The following CDH13 variants were observed in gnomAD, a reference collection of about 807,000 sequenced individuals.
The protein encoded by CDH13 is cadherin-13.
CDH13 carries 24 observed loss-of-function variants against 63.8 expected under a neutral mutation model. The observed-to-expected ratio is 0.38, with a 90% CI of 0.27 to 0.53. The LOEUF is 0.53. Among genes scored for constraint, CDH13 ranks in the 20% least tolerant of loss-of-function variants. The pLI is 0.85. For synonymous variants in CDH13, 503 were observed against 355.3 expected, an observed-to-expected ratio of 1.42 and a Z score of -4.67; for missense variants, 1,049 against 903.1, an observed-to-expected ratio of 1.16 and a Z score of -2.07.
chr16:83,543,794 A>C (rs2075335563), intron 7 of CDH13, among the ~76,000 whole-genome samples: 1 of 152,214 alleles, frequency 6.6e-6, no homozygotes, highest in Non-Finnish European at 1.5e-5. Context: ...TACATAACAC[A>C]GTTCTCATCG....
chr16:83,784,120 T>C (rs757221074), intron 13 of CDH13, among the ~76,000 whole-genome samples: 1 of 152,374 alleles, frequency 6.6e-6, no homozygotes, highest in South Asian at 2.1e-4. Flanking sequence ...TATTCATATA[T>C]AACTGTTACC....
intron 6 of CDH13, among the ~76,000 whole-genome samples, chr16:83,412,453 C>T (rs2092141859): frequency 2.0e-5 from 3 of 152,202 alleles, no homozygotes; most frequent in South Asian, 2.1e-4. Flanking sequence ...CTGAGTTAGA[C>T]TAGGTCTCAA....
chr16:83,342,948 G>A (rs990233952), intron 5 of CDH13, among the ~76,000 whole-genome samples: 1 of 139,404 alleles, frequency 7.2e-6, no homozygotes, highest in African/African-American at 2.7e-5. Context: ...TTGCCTCAGA[G>A]CTTTATTTTG....
At chr16:82,730,052 G>C (rs1250572177) in intron 1 of CDH13, among the ~76,000 whole-genome samples, 1 of 152,178 alleles carries the variant, frequency 6.6e-6, no homozygotes, top group African/African-American at 2.4e-5. Flanking sequence ...TGGCTTAAGG[G>C]AATGCTGTGG....
chr16:83,738,263 C>G (rs553302186), intron 10 of CDH13, among the ~76,000 whole-genome samples: 1 of 152,160 alleles, frequency 6.6e-6, no homozygotes, highest in Non-Finnish European at 1.5e-5. Context: ...AAGCGCGGTG[C>G]CTGGCATGAA....
At chr16:83,743,917 A>G (rs775490938) in intron 10 of CDH13, among the ~76,000 whole-genome samples, 1 of 151,764 alleles carries the variant, frequency 6.6e-6, no homozygotes, top group Non-Finnish European at 1.5e-5. Flanking sequence ...AACACTGTGT[A>G]CCGAGAAGCC....
chr16:83,575,216 A>C (rs76862835), intron 7 of CDH13, among the ~76,000 whole-genome samples: 1,980 of 152,330 alleles, frequency 0.013, 39 homozygotes, highest in African/African-American at 0.045. Context: ...ATGTTCTAAA[A>C]TCAATTATGG....
chr16:83,099,658 C>T (rs1412346369), intron 3 of CDH13, among the ~76,000 whole-genome samples: 1 of 110,158 alleles, frequency 9.1e-6, no homozygotes, highest in Non-Finnish European at 2.0e-5. Flanking sequence ...ACATAACAGC[C>T]CATGATTCCA....
rs138172465 is a variant in CDH13 at position 83,671,145 on chromosome 16, C to T, written c.1284+173C>T. ...CTTAAGGGTGCACTCGTATCCTCAG[C>T]AGCATAAACAAGCAGCCATAAAACA... On this transcript the variant is annotated intron_variant, in intron 9 of 13. Coordinates refer to ENST00000567109, the MANE Select transcript of CDH13 (RefSeq NM_001257.5). Among the ~76,000 whole-genome samples the T allele has an allele frequency of 7.6e-4, 116 of 152,302 alleles. 1 individual carries two copies. In the East Asian group the frequency reaches 0.019, roughly 26 times the overall value.
intron 3 of CDH13, among the ~76,000 whole-genome samples, chr16:83,116,556 C>G (rs1015591597): frequency 1.3e-5 from 2 of 152,158 alleles, no homozygotes; most frequent in African/African-American, 4.8e-5. Flanking sequence ...ATTGTGGGGA[C>G]ATATCGCATG....
rs144742794 is a variant in CDH13 at position 82,728,491 on chromosome 16, C to T, written c.45+101354C>T. ...GCATATAAATAATAAACTACAGTTACGCTGTAGTCTATTAAGTTTGAAATA... is the reference window on the plus strand; with the variant it reads ...GCATATAAATAATAAACTACAGTTATGCTGTAGTCTATTAAGTTTGAAATA... On this transcript the variant is annotated intron_variant, in intron 1 of 13. Transcript: ENST00000567109. Among the ~76,000 whole-genome samples, 397 of 152,118 alleles carry T rather than the reference C, an allele frequency of 2.6e-3. 3 individuals are homozygous for T. Among genetic ancestry groups the T allele is most frequent in the African/African-American group, 9.1e-3 (379 of 41,494 alleles).
At chr16:83,078,744 A>G (rs2033027485) in intron 3 of CDH13, among the ~76,000 whole-genome samples, 1 of 152,210 alleles carries the variant, frequency 6.6e-6, no homozygotes, top group African/African-American at 2.4e-5. Flanking sequence ...CCCAGTGTCA[A>G]ATTCTTCCAA....
chr16:83,759,960 A>G (rs1743997312), intron 11 of CDH13, among the ~76,000 whole-genome samples: 1 of 151,540 alleles, frequency 6.6e-6, no homozygotes, highest in African/African-American at 2.4e-5. Context: ...AAAAGAAAGA[A>G]ATCCTATAAT....
At chr16:83,241,901 A>C (rs1904489404) in intron 5 of CDH13, among the ~76,000 whole-genome samples, 1 of 152,174 alleles carries the variant, frequency 6.6e-6, no homozygotes, top group Non-Finnish European at 1.5e-5. Context: ...TATATAAGAA[A>C]TCATTGTAAA....
intron 4 of CDH13, among the ~76,000 whole-genome samples, chr16:83,148,907 G>A (rs1462178411): frequency 6.6e-6 from 1 of 152,026 alleles, no homozygotes; most frequent in Admixed American, 6.6e-5. Context: ...AGCAATAGTA[G>A]CCTAAAGAAA....
chr16:82,721,951 C>A (rs1264072836), intron 1 of CDH13, among the ~76,000 whole-genome samples: 3 of 151,988 alleles, frequency 2.0e-5, no homozygotes, highest in South Asian at 4.2e-4. Flanking sequence ...GTAGTTGGGG[C>A]GTGTCACATG....
At chr16:83,106,347 G>A (rs1287943043) in intron 3 of CDH13, among the ~76,000 whole-genome samples, 3 of 152,132 alleles carry the variant, frequency 2.0e-5, no homozygotes, top group Admixed American at 6.5e-5. Flanking sequence ...AGACGAGCCT[G>A]GCCAACGTTG....
intron 2 of CDH13, among the ~76,000 whole-genome samples, chr16:82,959,756 C>T (rs951436914): frequency 2.0e-5 from 3 of 152,188 alleles, no homozygotes; most frequent in Admixed American, 6.5e-5. Flanking sequence ...CCGAGTAGTA[C>T]TGCGTGGCAT....
At chr16:82,856,272 A>T (rs1247418419) in intron 1 of CDH13, among the ~76,000 whole-genome samples, 5 of 150,512 alleles carry the variant, frequency 3.3e-5, no homozygotes, top group Non-Finnish European at 7.4e-5. Context: ...CTTACTCGGG[A>T]GGCTGAGGCG....
Sources: gnomAD v4.1 joint callset for allele counts (sites outside exome capture counted in the v4.1 genomes callset) on GRCh38, gnomAD v4.1.1 for gene constraint, MANE v1.5 for transcripts, NCBI Gene and HGNC (gene_info 2026-07-23, HGNC 2026-07-21) for gene names.